Variants in CDKAL1 observed in about 807,000 individuals in gnomAD.
The protein encoded by CDKAL1 is CDKAL1 threonylcarbamoyladenosine tRNA methylthiotransferase.
A neutral mutation model predicts 68.2 loss-of-function variants in CDKAL1; 32 were observed. The observed-to-expected ratio is 0.47, with a 90% CI of 0.35 to 0.63. The LOEUF (loss-of-function observed/expected upper bound fraction) is 0.63. Among genes scored for constraint, CDKAL1 ranks in the 30% least tolerant of loss-of-function variants. The probability of loss-of-function intolerance (pLI) is 0.00; values close to 1 mark genes in which losing one functional copy is unlikely to be tolerated. For synonymous variants in CDKAL1, 234 were observed against 244.3 expected (o/e 0.96, Z 0.39); for missense variants, 606 against 696.7 (o/e 0.87, Z 1.47).
intron 9 of CDKAL1, among the ~76,000 whole-genome samples, chr6:20,924,141 A>G (rs1275401447): frequency 6.6e-6 from 1 of 151,666 alleles, no homozygotes; most frequent in Non-Finnish European, 1.5e-5. Context: ...GTGCTACTCC[A>G]GTGAACACAC....
At chr6:20,701,182 C>T (rs1012190045) in intron 5 of CDKAL1, among the ~76,000 whole-genome samples, 3 of 151,632 alleles carry the variant, frequency 2.0e-5, no homozygotes, top group Admixed American at 6.6e-5. Flanking sequence ...TGCTGTGTTG[C>T]GACCCTGGAA....
At chr6:21,180,205 G>C (rs148043819) in intron 13 of CDKAL1, among the ~76,000 whole-genome samples, 1 of 152,282 alleles carries the variant, frequency 6.6e-6, no homozygotes, top group East Asian at 1.9e-4. Flanking sequence ...TAGTGGTATG[G>C]TAATGCTTGT....
intron 9 of CDKAL1, among the ~76,000 whole-genome samples, chr6:20,892,196 A>G (rs762893562): frequency 2.0e-5 from 3 of 152,198 alleles, no homozygotes; most frequent in Non-Finnish European, 4.4e-5. Flanking sequence ...TTACTGGACC[A>G]AAGACACAGT....
chr6:20,986,827 A>G (rs1766488869), intron 10 of CDKAL1, among the ~76,000 whole-genome samples: 1 of 152,198 alleles, frequency 6.6e-6, no homozygotes, highest in African/African-American at 2.4e-5. Context: ...ATTTTAAGAC[A>G]CTAGGTATAT....
At chr6:20,926,848 C>T (rs1285209313) in intron 9 of CDKAL1, among the ~76,000 whole-genome samples, 1 of 150,404 alleles carries the variant, frequency 6.6e-6, no homozygotes, top group Non-Finnish European at 1.5e-5. Flanking sequence ...CAATTTCATA[C>T]CCTTTCAGTA....
chr6:20,823,024 A>G (rs75103414), intron 8 of CDKAL1, among the ~76,000 whole-genome samples: 3,889 of 152,222 alleles, frequency 0.026, 139 homozygotes, highest in African/African-American at 0.088. Flanking sequence ...ACTCTGTCTT[A>G]ATAACTCCTA....
chr6:20,837,840 G>A (rs1442977422), intron 8 of CDKAL1, among the ~76,000 whole-genome samples: 2 of 150,800 alleles, frequency 1.3e-5, no homozygotes, highest in African/African-American at 4.9e-5. Flanking sequence ...AGGGGGCCAG[G>A]TATGTGTACC....
chr6:20,814,815 T>C (rs1776975627), intron 8 of CDKAL1, among the ~76,000 whole-genome samples: 1 of 152,190 alleles, frequency 6.6e-6, no homozygotes, highest in Non-Finnish European at 1.5e-5. Context: ...TCTATCATTC[T>C]CCAGAGTTCT....
At chr6:20,631,508 TAGTC>T (rs1767673489) in intron 4 of CDKAL1, among the ~76,000 whole-genome samples, 1 of 152,222 alleles carries the variant, frequency 6.6e-6, no homozygotes, top group African/African-American at 2.4e-5. Context: ...CTCCCATGTC[TAGTC>T]AGTCAGTAAG....
chr6:20,722,908 G>A (rs1176464313), intron 5 of CDKAL1, among the ~76,000 whole-genome samples: 1 of 152,076 alleles, frequency 6.6e-6, no homozygotes, highest in Non-Finnish European at 1.5e-5. Context: ...TGGGGAAGAT[G>A]ACCTGCGCTT....
chr6:21,026,682 A>G (rs1380057510), intron 11 of CDKAL1, among the ~76,000 whole-genome samples: 1 of 152,130 alleles, frequency 6.6e-6, no homozygotes, highest in Non-Finnish European at 1.5e-5. Flanking sequence ...TTTATGATAC[A>G]TTTTCCAGGA....
intron 11 of CDKAL1, among the ~76,000 whole-genome samples, chr6:21,055,966 G>C (rs981082013): frequency 6.6e-6 from 1 of 152,140 alleles, no homozygotes; most frequent in Non-Finnish European, 1.5e-5. Context: ...CACAATGCTT[G>C]AACTAATTTA....
At position 21,163,516 on chromosome 6, in the gene CDKAL1, C is replaced by T. The variant is rs74522274; in HGVS notation, c.1300-34505C>T. Reference sequence around the variant, plus strand: ...GTTTCTTTTTCATCCTAGTCATGTTCCCTCTCCCTCAAAAGTTCTTTAACC... The same window carrying T: ...GTTTCTTTTTCATCCTAGTCATGTTTCCTCTCCCTCAAAAGTTCTTTAACC... On this transcript the variant is annotated intron_variant, in intron 13 of 15. Coordinates refer to ENST00000274695, the MANE Select transcript of CDKAL1 (RefSeq NM_017774.3). Among the ~76,000 whole-genome samples the T allele has an allele frequency of 3.7e-3, 565 of 152,252 alleles. 6 individuals are homozygous for T. The highest frequency in any genetic ancestry group is 0.013 in the African/African-American group (543 of 41,546).
chr6:21,223,617 C>T (rs566277321), intron 15 of CDKAL1, among the ~76,000 whole-genome samples: 4 of 152,288 alleles, frequency 2.6e-5, no homozygotes, highest in African/African-American at 9.6e-5. Flanking sequence ...AGCCCAAGCC[C>T]ATCCAGCCCC....
At chr6:20,760,959 G>C (rs1774434659) in intron 7 of CDKAL1, among the ~76,000 whole-genome samples, 1 of 152,146 alleles carries the variant, frequency 6.6e-6, no homozygotes, top group African/African-American at 2.4e-5. Flanking sequence ...CTGTCAAGAG[G>C]ATGGGAAAAT....
intron 7 of CDKAL1, among the ~76,000 whole-genome samples, chr6:20,780,029 G>T (rs1442805799): frequency 3.3e-5 from 5 of 150,122 alleles, no homozygotes; most frequent in Admixed American, 2.7e-4. Context: ...CAGGAGGACT[G>T]CTTGAGCCCA....
intron 6 of CDKAL1, among the ~76,000 whole-genome samples, chr6:20,739,935 A>C (rs952737246): frequency 6.6e-6 from 1 of 151,980 alleles, no homozygotes; most frequent in African/African-American, 2.4e-5. Context: ...TTTCCACCTC[A>C]CTCAGCTACT....
chr6:21,187,636 A>G (rs1053119224), intron 13 of CDKAL1, among the ~76,000 whole-genome samples: 2 of 152,148 alleles, frequency 1.3e-5, no homozygotes, highest in African/African-American at 4.8e-5. Flanking sequence ...CTGACTCCCC[A>G]TGCTTTTGGA....
intron 8 of CDKAL1, among the ~76,000 whole-genome samples, chr6:20,818,016 C>T (rs867822436): frequency 1.3e-5 from 2 of 152,130 alleles, no homozygotes; most frequent in African/African-American, 2.4e-5. Flanking sequence ...CCCATCAGTC[C>T]TCTTTACCAA....
Sources: allele counts gnomAD v4.1 joint callset (sites outside exome capture counted in the v4.1 genomes callset), GRCh38; gene constraint gnomAD v4.1.1; transcripts MANE v1.5; gene names NCBI Gene and HGNC (gene_info 2026-07-23, HGNC 2026-07-21).